The following CTNNA3 variants were observed in gnomAD, a reference collection of about 807,000 sequenced individuals.
CTNNA3 encodes the protein catenin alpha-3.
A neutral mutation model predicts 95.7 loss-of-function variants in CTNNA3; 76 were observed. That is an observed-to-expected ratio of 0.79 (90% CI 0.66 to 0.96). The LOEUF (loss-of-function observed/expected upper bound fraction) is 0.96. Ranked by LOEUF, CTNNA3 falls within the 40% of genes least tolerant of loss-of-function variation. The probability of loss-of-function intolerance (pLI) is 0.00; values close to 1 mark genes in which losing one functional copy is unlikely to be tolerated. For missense variants in CTNNA3, 1,191 were observed against 1,089.8 expected (o/e 1.09, Z -1.31); for synonymous variants, 431 against 374.4 (o/e 1.15, Z -1.74).
At chr10:67,240,836 G>A (rs1462804686) in intron 5 of CTNNA3, among the ~76,000 whole-genome samples, 1 of 152,092 alleles carries the variant, frequency 6.6e-6, no homozygotes, top group African/African-American at 2.4e-5. Context: ...ATGTAGGGGG[G>A]TGTGTGTGCA....
At chr10:66,001,097 T>A (rs1204803838) in intron 15 of CTNNA3, among the ~76,000 whole-genome samples, 4 of 152,088 alleles carry the variant, frequency 2.6e-5, no homozygotes, top group Non-Finnish European at 4.4e-5. Flanking sequence ...CCTCAAGGAA[T>A]ACAGCCTAAA....
chr10:66,717,179 C>T (rs1040963732), intron 9 of CTNNA3, among the ~76,000 whole-genome samples: 3 of 152,084 alleles, frequency 2.0e-5, no homozygotes, highest in Non-Finnish European at 4.4e-5. Context: ...TCAACTCTTG[C>T]CTGAGTTTAT....
chr10:66,617,381 T>C (rs930781669), intron 10 of CTNNA3, among the ~76,000 whole-genome samples: 2 of 151,986 alleles, frequency 1.3e-5, no homozygotes, highest in African/African-American at 4.8e-5. Context: ...GTGGGCTTCA[T>C]CCTGGGATGC....
At chr10:67,067,784 G>T (rs2131837542) in intron 7 of CTNNA3, among the ~76,000 whole-genome samples, 1 of 152,202 alleles carries the variant, frequency 6.6e-6, no homozygotes, top group South Asian at 2.1e-4. Flanking sequence ...CATTCAATCT[G>T]GGCACACTAT....
intron 7 of CTNNA3, chr10:67,177,052 A>G (rs1182950501): frequency 6.7e-6 from 3 of 448,426 alleles, no homozygotes; most frequent in Non-Finnish European, 1.3e-5. Context: ...CAGCAATAGA[A>G]AACTAACCAA....
At chr10:65,945,158 GTGTA>G (rs778741842) in intron 17 of CTNNA3, among the ~76,000 whole-genome samples, 3,163 of 148,992 alleles carry the variant, frequency 0.021, 111 homozygotes, top group African/African-American at 0.076. Flanking sequence ...GTGTGTGTGT[GTGTA>G]TATATATATA....
intron 5 of CTNNA3, among the ~76,000 whole-genome samples, chr10:67,292,203 G>A (rs1381888487): frequency 6.6e-6 from 1 of 152,054 alleles, no homozygotes; most frequent in Middle Eastern, 3.2e-3. Flanking sequence ...TACACAGCAG[G>A]GCAGAGAGAA....
At chr10:67,260,802 A>G (rs1866575816) in intron 5 of CTNNA3, among the ~76,000 whole-genome samples, 1 of 151,880 alleles carries the variant, frequency 6.6e-6, no homozygotes, top group Admixed American at 6.6e-5. Flanking sequence ...CTCTCGCCTC[A>G]GCCTCCTGAG....
chr10:66,718,654 AATAAT>A (rs1306448283), intron 9 of CTNNA3, among the ~76,000 whole-genome samples: 3 of 149,642 alleles, frequency 2.0e-5, no homozygotes, highest in Admixed American at 6.7e-5. Flanking sequence ...AAATATCATT[AATAAT>A]ATAATAAAAT....
intron 15 of CTNNA3, among the ~76,000 whole-genome samples, chr10:66,010,054 C>A (rs1057117747): frequency 1.3e-5 from 2 of 152,132 alleles, no homozygotes; most frequent in Non-Finnish European, 2.9e-5. Context: ...AAAAGGTATT[C>A]ATTTTTTTGA....
At chr10:66,592,942 C>T (rs960443131) in intron 10 of CTNNA3, among the ~76,000 whole-genome samples, 1 of 151,906 alleles carries the variant, frequency 6.6e-6, no homozygotes, top group Non-Finnish European at 1.5e-5. Context: ...GTAATGATAA[C>T]CGAGTAAAAG....
chr10:66,509,898 CCAGA>C (rs1840595805), intron 11 of CTNNA3, among the ~76,000 whole-genome samples: 1 of 151,724 alleles, frequency 6.6e-6, no homozygotes, highest in African/African-American at 2.4e-5. Context: ...ATTTGTGGTT[CCAGA>C]CAATTTTAGG....
chr10:66,949,683 A>G (rs1024806979), intron 7 of CTNNA3, among the ~76,000 whole-genome samples: 1 of 152,182 alleles, frequency 6.6e-6, no homozygotes, highest in Non-Finnish European at 1.5e-5. Context: ...TATGTTTCAA[A>G]TGCTTATAGT....
chr10:67,085,624 CAT>C (rs1242558934), intron 7 of CTNNA3, among the ~76,000 whole-genome samples: 2 of 151,902 alleles, frequency 1.3e-5, no homozygotes, highest in Admixed American at 1.3e-4. Flanking sequence ...ATGTTTGTGT[CAT>C]ATAAAAATTT....
intron 5 of CTNNA3, among the ~76,000 whole-genome samples, chr10:67,227,630 C>T (rs977735131): frequency 4.6e-5 from 7 of 152,076 alleles, no homozygotes; most frequent in Non-Finnish European, 8.8e-5. Context: ...CAGCACTAGA[C>T]AAGTCATCAA....
At chr10:66,803,631 C>A (rs1564693515) in intron 7 of CTNNA3, among the ~76,000 whole-genome samples, 1 of 152,160 alleles carries the variant, frequency 6.6e-6, no homozygotes, top group Non-Finnish European at 1.5e-5. Context: ...CAGGCAGAGA[C>A]AAGCACCTTG....
chr10:67,647,325 C>A, intron 2 of CTNNA3, 90 bp downstream of exon 2: 1 of 937,256 alleles, frequency 1.1e-6, no homozygotes, highest in South Asian at 2.0e-5. Flanking sequence ...ATATAAAAAT[C>A]AAATCTTTTA....
At chr10:66,992,831 T>C (rs1023577023) in intron 7 of CTNNA3, among the ~76,000 whole-genome samples, 1 of 152,150 alleles carries the variant, frequency 6.6e-6, no homozygotes, top group Non-Finnish European at 1.5e-5. Context: ...TTTTAATGCC[T>C]TTTTAGTGAT....
At chr10:67,364,392 T>C (rs546705928) in intron 5 of CTNNA3, among the ~76,000 whole-genome samples, 1 of 152,250 alleles carries the variant, frequency 6.6e-6, no homozygotes, top group South Asian at 2.1e-4. Context: ...ACTGGAAGCA[T>C]TCCCTTTGAA....
Sources: allele counts gnomAD v4.1 joint callset (sites outside exome capture counted in the v4.1 genomes callset), GRCh38; gene constraint gnomAD v4.1.1; transcripts MANE v1.5; gene names NCBI Gene and HGNC (gene_info 2026-07-23, HGNC 2026-07-21).